Variants in BIRC6 observed in about 807,000 individuals in gnomAD.
BIRC6 encodes dual E2 ubiquitin-conjugating enzyme/E3 ubiquitin-protein ligase BIRC6.
A neutral mutation model predicts 503.3 loss-of-function variants in BIRC6; 98 were observed. The observed-to-expected ratio is 0.19, with a 90% CI of 0.17 to 0.23. The LOEUF (loss-of-function observed/expected upper bound fraction) is 0.23. Ranked by LOEUF, BIRC6 falls within the 10% of genes least tolerant of loss-of-function variation. BIRC6 has a pLI of 1.00. For synonymous variants in BIRC6, 2,240 were observed against 2,078.7 expected (o/e 1.08, Z -2.11); for missense variants, 5,360 against 5,806.0 (o/e 0.92, Z 2.50).
At chr2:32,594,755 T>C (rs2061579245) in intron 67 of BIRC6, among the ~76,000 whole-genome samples, 1 of 149,504 alleles carries the variant, frequency 6.7e-6, no homozygotes, top group Non-Finnish European at 1.5e-5. Flanking sequence ...TATTTTCCTA[T>C]GTTAGCTGAA....
At chr2:32,384,503 G>T (rs2038160833) in intron 3 of BIRC6, among the ~76,000 whole-genome samples, 1 of 151,918 alleles carries the variant, frequency 6.6e-6, no homozygotes, top group South Asian at 2.1e-4. Context: ...ACTATGGACA[G>T]AACAGGTAAA....
At position 32,473,219 on chromosome 2, in the gene BIRC6, C is replaced by A; in HGVS notation, c.6700C>A (p.Gln2234Lys). 6.5e-7 allele frequency: 1 copy of A among 1,544,388 alleles called. No individual in the cohort carries two copies. The stretch of plus-strand genomic sequence containing the variant: ...ATTATATTCCAGAAAAATCAGAAAG[C>A]AGCTTGTTCATCATAAACAGGTAAT... ...DRLYSRKIRK[Q>K]LVHHKQQLNL... is the part of the protein sequence containing the mutation. The change falls in exon 33 of 74, where the codon CAG becomes AAG. Residue 2234 changes from glutamine (Q) to lysine (K), a missense_variant. Physicochemically the swap from Gln to Lys is moderately conservative, Grantham distance 53. Coordinates refer to ENST00000421745, the MANE Select transcript of BIRC6 (RefSeq NM_016252.4).
In BIRC6 at chr2:32,406,372, C is replaced by G. The variant is rs113394901; in HGVS notation, c.1419-127C>G. ...TGTGTTCCTGCCACTGTACTCCAGC[C>G]TGGATGACAGACTGAGACCCTGTCT... On this transcript the variant is annotated intron_variant, in intron 8 of 73. Coordinates refer to ENST00000421745, the MANE Select transcript of BIRC6 (RefSeq NM_016252.4). The G allele has an allele frequency of 6.3e-3, 4,134 of 655,486 alleles. 25 individuals are homozygous for G. Among genetic ancestry groups the G allele is most frequent in the Middle Eastern group, 0.011 (25 of 2,326 alleles). The allele number at this position is 655,486 out of a possible 1,614,324, so 40.6% of individuals were successfully genotyped here.
Position 32,439,695 on chromosome 2 carries a change from CTG to C in BIRC6, c.3810+11_3810+12del, listed in dbSNP as rs1185936857. ...AAGTTGCAGCAGGCAAGGTATGAAA[CTG>C]TCATTTTGAACAATAACAATACAGT... On this transcript the variant is annotated intron_variant, in intron 16 of 73. Transcript: ENST00000421745. The C allele has an allele frequency of 3.7e-6, 6 of 1,609,738 alleles. No individual in the cohort carries two copies. The highest frequency in any genetic ancestry group is 4.5e-5 in the East Asian group (2 of 44,842).
chr2:32,383,779 G>A (rs1489604245), intron 3 of BIRC6, among the ~76,000 whole-genome samples: 2 of 151,954 alleles, frequency 1.3e-5, no homozygotes, highest in South Asian at 2.1e-4. Context: ...TGATCCAACC[G>A]TCTTGGCCTC....
intron 16 of BIRC6, among the ~76,000 whole-genome samples, chr2:32,440,775 A>ATT (rs1203622462): frequency 2.3e-4 from 34 of 150,216 alleles, no homozygotes; most frequent in African/African-American, 7.6e-4. Flanking sequence ...TATTATTATT[A>ATT]TTATTGAGTC....
intron 61 of BIRC6, among the ~76,000 whole-genome samples, chr2:32,538,649 G>A (rs2057424727): frequency 6.6e-6 from 1 of 152,236 alleles, no homozygotes; most frequent in African/African-American, 2.4e-5. Context: ...TACAGTGTAT[G>A]GCTGGGCATG....
At chr2:32,397,489 G>A (rs1156477536) in intron 6 of BIRC6, among the ~76,000 whole-genome samples, 1 of 151,426 alleles carries the variant, frequency 6.6e-6, no homozygotes, top group Non-Finnish European at 1.5e-5. Context: ...AAAGAGTGAA[G>A]CTGTGGATAA....
chr2:32,531,900 C>G (rs988133786), intron 61 of BIRC6, among the ~76,000 whole-genome samples: 1 of 152,172 alleles, frequency 6.6e-6, no homozygotes, highest in African/African-American at 2.4e-5. Flanking sequence ...GCAGTGTATA[C>G]TGCCACCAAT....
intron 3 of BIRC6, among the ~76,000 whole-genome samples, chr2:32,387,965 ATGT>A (rs2038714455): frequency 6.6e-6 from 1 of 152,228 alleles, no homozygotes; most frequent in African/African-American, 2.4e-5. Context: ...GTATAATGTG[ATGT>A]TGTAATATAT....
At chr2:32,581,457 GCTA>G (rs955366234) in intron 66 of BIRC6, among the ~76,000 whole-genome samples, 5 of 152,118 alleles carry the variant, frequency 3.3e-5, no homozygotes, top group Non-Finnish European at 7.3e-5. Context: ...TACCACCTAT[GCTA>G]CTGTTTACTT....
chr2:32,614,676 A>G (rs193223206), intron 73 of BIRC6, among the ~76,000 whole-genome samples: 6 of 151,400 alleles, frequency 4.0e-5, no homozygotes, highest in African/African-American at 1.5e-4. Context: ...AAAAGAAAAT[A>G]CAAAAATTAG....
intron 23 of BIRC6, among the ~76,000 whole-genome samples, chr2:32,461,017 CTT>C (rs1304700841): frequency 3.3e-5 from 2 of 60,320 alleles, no homozygotes; most frequent in Admixed American, 1.7e-4. Context: ...CTTCTCTTCT[CTT>C]CTCTTCTCTT....
chr2:32,410,283 A>G (rs2041718578), intron 9 of BIRC6, among the ~76,000 whole-genome samples: 1 of 152,158 alleles, frequency 6.6e-6, no homozygotes, highest in Non-Finnish European at 1.5e-5. Flanking sequence ...CCTGGGCAAC[A>G]GAGTGAGACT....
In BIRC6 at chr2:32,515,693, G is replaced by T. The variant is rs776734131; in HGVS notation, c.11272G>T (p.Ala3758Ser). The T allele has an allele frequency of 6.2e-7, 1 of 1,604,962 alleles. No homozygotes were observed. The highest frequency in any genetic ancestry group is 8.5e-7 in the Non-Finnish European group (1 of 1,179,846). Residue 3758 changes from alanine to serine, a missense_variant, in exon 55 of 74, where the codon GCA (alanine) becomes TCA (serine). By Grantham distance (99) the Ala-to-Ser change is moderately conservative. Around this residue, in one of 16 missense-constraint regions of BIRC6, gnomAD observed 878 missense variants for 928.9 expected, o/e 0.95. Transcript: ENST00000421745. ...TTGLTTQQRT[A>S]IENATVAFFL... ...AGGACTGACTACTCAACAGCGCACA[G>T]CAATTGAGAATGCAACTGTTGCGTT...
In BIRC6 at chr2:32,357,191, C is replaced by T; in HGVS notation, c.30C>T (p.Pro10=). ...TGACTGGTGGTGGTGCTGCACCTCCCGGGACTGTCACTGAGCCGCTTCCCA... is the reference window on the plus strand; with the variant it reads ...TGACTGGTGGTGGTGCTGCACCTCCTGGGACTGTCACTGAGCCGCTTCCCA... MVTGGGAAP[P]GTVTEPLPSV... is the part of the protein sequence containing the mutation. Residue 10 remains proline (P), a synonymous_variant, in exon 1 of 74, where the codon CCC becomes CCT. Coordinates refer to ENST00000421745, the MANE Select transcript of BIRC6 (RefSeq NM_016252.4). The surrounding 1 kb of genome is among the most constrained non-coding windows in gnomAD (Gnocchi z 4.9). 3 of 1,539,672 alleles carry T rather than the reference C, an allele frequency of 1.9e-6. No individual in the cohort carries two copies. The highest frequency in any genetic ancestry group is 1.2e-5 in the South Asian group (1 of 83,048).
chr2:32,507,357 G>C (rs528296417), intron 50 of BIRC6, among the ~76,000 whole-genome samples: 1 of 152,180 alleles, frequency 6.6e-6, no homozygotes, highest in African/African-American at 2.4e-5. Context: ...TTGAACCTGG[G>C]AGTTGGAGGT....
intron 66 of BIRC6, among the ~76,000 whole-genome samples, chr2:32,580,088 G>T (rs1324133589): frequency 2.6e-5 from 4 of 151,906 alleles, no homozygotes; most frequent in Non-Finnish European, 5.9e-5. Flanking sequence ...CGAGTAGCTG[G>T]GATTACAGGC....
chr2:32,504,059 T>C (rs2053523888), intron 49 of BIRC6, among the ~76,000 whole-genome samples: 1 of 147,576 alleles, frequency 6.8e-6, no homozygotes, highest in African/African-American at 2.5e-5. Context: ...TGTGTGTGTG[T>C]GTGTGTGTGT....
Sources: gnomAD v4.1 joint callset for allele counts (sites outside exome capture counted in the v4.1 genomes callset) on GRCh38, gnomAD v4.1.1 for gene constraint, gnomAD v4.1.1 regional missense constraint, Gnocchi (gnomAD v3.1) non-coding constraint, MANE v1.5 for transcripts, NCBI Gene and HGNC (gene_info 2026-07-23, HGNC 2026-07-21) for gene names.